The following GALNT14 variants were observed in gnomAD, a reference collection of about 807,000 sequenced individuals.
The protein encoded by GALNT14 is UDP-GalNAc:polypeptide N-acetylgalactosaminyltransferase 14.
A neutral mutation model predicts 77.5 loss-of-function variants in GALNT14; 60 were observed. The observed-to-expected ratio is 0.77, with a 90% CI of 0.63 to 0.96. The LOEUF (loss-of-function observed/expected upper bound fraction) is 0.96, where lower values mean the gene tolerates loss of function less well. GALNT14 is among the 40% of genes least tolerant of loss of function. The pLI is 0.00. For synonymous variants in GALNT14, 280 were observed against 281.7 expected (o/e 0.99, Z 0.06); for missense variants, 710 against 731.0 (o/e 0.97, Z 0.33).
intron 10 of GALNT14, among the ~76,000 whole-genome samples, chr2:30,930,548 A>G (rs76781244): frequency 0.02 from 3,009 of 152,344 alleles, 51 homozygotes; most frequent in Non-Finnish European, 0.029. Context: ...AGAGCCCCAG[A>G]AAAGAGAGAA....
chr2:30,968,374 C>A (rs899725175), intron 2 of GALNT14, among the ~76,000 whole-genome samples: 2 of 152,246 alleles, frequency 1.3e-5, no homozygotes, highest in African/African-American at 2.4e-5. Flanking sequence ...TGAAGCAGGG[C>A]AGCTCATATG....
chr2:30,901,358 T>A, the GALNT14 span, among the ~76,000 whole-genome samples: 3 of 151,790 alleles, frequency 2.0e-5, no homozygotes, highest in Non-Finnish European at 2.9e-5. Context: ...AAATCCCATT[T>A]CTCCCCATTC....
chr2:30,990,084 T>A (rs112238102), intron 2 of GALNT14, among the ~76,000 whole-genome samples: 4,684 of 152,192 alleles, frequency 0.031, 231 homozygotes, highest in African/African-American at 0.1. Flanking sequence ...CTCAAGGGGA[T>A]GTCTATGGCA....
At position 30,955,934 on chromosome 2, in the gene GALNT14, G is replaced by C. The variant is rs1047986636; in HGVS notation, c.510C>G (p.Cys170Trp). Residue 170 changes from cysteine to tryptophan, a missense_variant, in exon 5 of 15, where the codon TGC (cysteine) becomes TGG (tryptophan). Physicochemically the swap from Cys to Trp is radical, Grantham distance 215. Coordinates refer to ENST00000349752, the MANE Select transcript of GALNT14 (RefSeq NM_024572.4). ...TACCTTGCCGTTCATTATTGCGCAA[G>C]CATTTCACCTTGGGCAACTTGATGA... Reference protein sequence around the residue: ...KQLIKLPKVKCLRNNERQGLV... With the variant: ...KQLIKLPKVKWLRNNERQGLV... 4 of 1,614,022 alleles carry C rather than the reference G, an allele frequency of 2.5e-6. No homozygotes were observed. The African/African-American group carries it at 4.0e-5, about 16-fold the overall frequency.
intron 11 of GALNT14, among the ~76,000 whole-genome samples, chr2:30,925,498 T>C (rs1046752658): frequency 3.3e-5 from 5 of 152,252 alleles, no homozygotes; most frequent in Admixed American, 3.3e-4. Context: ...GATGCTGGTA[T>C]CTGGAAGGAA....
chr2:31,090,767 C>A (rs1676692325), intron 1 of GALNT14, among the ~76,000 whole-genome samples: 1 of 151,610 alleles, frequency 6.6e-6, no homozygotes, highest in Non-Finnish European at 1.5e-5. Flanking sequence ...CAGGCATGAG[C>A]CACCACATCC....
chr2:31,072,329 G>A lies in GALNT14; in HGVS notation c.129+65629C>T, dbSNP rs530780908. On this transcript the variant is annotated intron_variant, in intron 1 of 14. Coordinates refer to ENST00000349752, the MANE Select transcript of GALNT14 (RefSeq NM_024572.4). ...TACACACACACACACACACGCATGC[G>A]GACGTGCAGAGATACACAGGTCAAA... Among the ~76,000 whole-genome samples the A allele has an allele frequency of 2.1e-5, 3 of 146,076 alleles. No homozygotes were observed. In the South Asian group the frequency reaches 6.5e-4, roughly 32 times the overall value.
At chr2:30,996,303 G>A (rs1670026428) in intron 1 of GALNT14, among the ~76,000 whole-genome samples, 1 of 152,252 alleles carries the variant, frequency 6.6e-6, no homozygotes, top group Admixed American at 6.5e-5. Context: ...AAGAGGACAT[G>A]AGTGAAAGAA....
intron 1 of GALNT14, among the ~76,000 whole-genome samples, chr2:30,997,592 C>G (rs911079574): frequency 7.2e-5 from 11 of 152,200 alleles, no homozygotes; most frequent in Admixed American, 5.9e-4. Context: ...AAGCAAGCCC[C>G]CGCTTCACTT....
intron 2 of GALNT14, among the ~76,000 whole-genome samples, chr2:30,974,094 T>C (rs1174161010): frequency 1.3e-5 from 2 of 152,156 alleles, no homozygotes; most frequent in African/African-American, 4.8e-5. Flanking sequence ...GAGATGACCT[T>C]GTCATCCACC....
the GALNT14 span, among the ~76,000 whole-genome samples, chr2:30,894,032 A>C: frequency 6.6e-6 from 1 of 152,152 alleles, no homozygotes; most frequent in African/African-American, 2.4e-5. Context: ...TCTAGGCGAA[A>C]AGGAAAGAGA....
intron 2 of GALNT14, among the ~76,000 whole-genome samples, chr2:30,975,986 G>T (rs927585535): frequency 2.0e-5 from 3 of 152,146 alleles, no homozygotes; most frequent in African/African-American, 7.2e-5. Context: ...TCTCCCTCCT[G>T]TCTCCTCTCT....
chr2:30,996,798 G>T (rs1273148506), intron 1 of GALNT14, among the ~76,000 whole-genome samples: 1 of 152,194 alleles, frequency 6.6e-6, no homozygotes, highest in African/African-American at 2.4e-5. Context: ...CCTCGGAGGG[G>T]CCTGTTCCCC....
At chr2:30,945,751 C>T in intron 7 of GALNT14, 32 bp downstream of exon 7, 2 of 1,554,312 alleles carry the variant, frequency 1.3e-6, no homozygotes, top group Non-Finnish European at 1.8e-6. Flanking sequence ...AAAGAAAATC[C>T]TTACTGGGGA....
intron 13 of GALNT14, among the ~76,000 whole-genome samples, chr2:30,918,504 CAAG>C (rs1175824486): frequency 6.6e-6 from 1 of 152,212 alleles, no homozygotes; most frequent in African/African-American, 2.4e-5. Context: ...GGGGAGCCAA[CAAG>C]AAGAGAGAGG....
intron 1 of GALNT14, chr2:31,079,032 T>C (rs1234111580): frequency 7.8e-7 from 1 of 1,284,800 alleles, no homozygotes; most frequent in Non-Finnish European, 1.0e-6. Flanking sequence ...ACGAAATGGG[T>C]AGGCTCAGGT....
rs569578591 is a variant in GALNT14, at chr2:30,921,887, T to C, written c.1380+2232A>G. On this transcript the variant is annotated intron_variant, in intron 13 of 14. Coordinates refer to ENST00000349752, the MANE Select transcript of GALNT14 (RefSeq NM_024572.4). The stretch of plus-strand genomic sequence containing the variant: ...CAGAGGCTAGGGATGCTGCTAGACT[T>C]CCCACAATACACAGGGGAGCCCCTA... Among the ~76,000 whole-genome samples the C allele has an allele frequency of 8.5e-5, 13 of 152,216 alleles. No homozygotes were observed. In the East Asian group the frequency reaches 2.5e-3, roughly 29 times the overall value.
chr2:31,011,900 C>T (rs1414725448), intron 1 of GALNT14, among the ~76,000 whole-genome samples: 1 of 152,160 alleles, frequency 6.6e-6, no homozygotes, highest in Non-Finnish European at 1.5e-5. Flanking sequence ...TGCCATAACG[C>T]TCAGCCGGGA....
At chr2:31,072,266 CACACACACACACACA>C (rs1558547135) in intron 1 of GALNT14, among the ~76,000 whole-genome samples, 120 of 59,856 alleles carry the variant, frequency 2.0e-3, no homozygotes, top group Admixed American at 1.5e-3. Context: ...CTCTCTCTCA[CACACACACACACACA>C]TACACACACA....
Sources: allele counts gnomAD v4.1 joint callset (sites outside exome capture counted in the v4.1 genomes callset), GRCh38; gene constraint gnomAD v4.1.1; transcripts MANE v1.5; gene names NCBI Gene and HGNC (gene_info 2026-07-23, HGNC 2026-07-21).